The following SYTL2 variants were observed in gnomAD, a reference collection of about 807,000 sequenced individuals.
SYTL2 encodes the protein synaptotagmin like 2, also known as synaptotagmin-like protein 2.
SYTL2 carries 165 observed loss-of-function variants against 198.7 expected under a neutral mutation model. That is an observed-to-expected ratio of 0.83 (90% CI 0.73 to 0.94). The LOEUF (loss-of-function observed/expected upper bound fraction) is 0.94. Among genes scored for constraint, SYTL2 ranks in the 40% least tolerant of loss-of-function variants. The pLI is 0.00. For missense variants in SYTL2, 2,835 were observed against 2,582.8 expected (o/e 1.10, Z -2.12); for synonymous variants, 966 against 917.7 (o/e 1.05, Z -0.95).
chr11:85,793,665 G>A (rs1391763929), intron 1 of SYTL2, among the ~76,000 whole-genome samples: 1 of 152,150 alleles, frequency 6.6e-6, no homozygotes, highest in Non-Finnish European at 1.5e-5. Flanking sequence ...TGAAGGACAT[G>A]CTCTCAACAC....
At chr11:85,797,580 A>T (rs1426140512) in intron 1 of SYTL2, among the ~76,000 whole-genome samples, 1 of 151,618 alleles carries the variant, frequency 6.6e-6, no homozygotes, top group Non-Finnish European at 1.5e-5. Flanking sequence ...GTGAGCTGAG[A>T]TCAGCCACTG....
Position 85,724,749 on chromosome 11 carries a change from G to T in SYTL2, c.4609C>A (p.Arg1537=). Reference sequence around the variant, plus strand: ...TCAGGATGGCATTCAGAAGTGGCTCGCCTGGGCTCCTCTGTACTACCTATT... The same window carrying T: ...TCAGGATGGCATTCAGAAGTGGCTCTCCTGGGCTCCTCTGTACTACCTATT... ...KLIGSTEEPR[R]ATSECHPEEL... is the part of the protein sequence containing the mutation. Residue 1537 remains arginine, a synonymous_variant, in exon 8 of 20, where the codon CGA becomes AGA. Transcript: ENST00000359152. 3.1e-6 allele frequency: 5 copies of T among 1,611,726 alleles called. No individual in the cohort carries two copies. Among genetic ancestry groups the T allele is most frequent in the Non-Finnish European group, 4.2e-6 (5 of 1,179,514 alleles).
intron 1 of SYTL2, among the ~76,000 whole-genome samples, chr11:85,767,992 T>C (rs2092278421): frequency 6.6e-6 from 1 of 152,216 alleles, no homozygotes; most frequent in African/African-American, 2.4e-5. Flanking sequence ...CTCTGAGAAT[T>C]AGTGTCTCCT....
At chr11:85,819,112 A>C in the SYTL2 span, among the ~76,000 whole-genome samples, 1 of 152,274 alleles carries the variant, frequency 6.6e-6, no homozygotes, top group East Asian at 1.9e-4. Flanking sequence ...TACCTGTCAT[A>C]ATTTTCATAT....
chr11:85,762,850 T>C (rs2092135701), intron 1 of SYTL2, among the ~76,000 whole-genome samples: 1 of 152,162 alleles, frequency 6.6e-6, no homozygotes, highest in African/African-American at 2.4e-5. Context: ...TTACTCATGT[T>C]TGTCTCTTGC....
Position 85,724,942 on chromosome 11 carries a change from GC to G in SYTL2, c.4415del (p.Gly1472AlafsTer12). The G allele has an allele frequency of 1.2e-6, 2 of 1,613,958 alleles. No individual in the cohort carries two copies. The highest frequency in any genetic ancestry group is 1.7e-6 in the Non-Finnish European group (2 of 1,179,946). On this transcript the variant is annotated frameshift_variant, in exon 8 of 20. Coordinates refer to ENST00000359152, the MANE Select transcript of SYTL2 (RefSeq NM_206927.4). LOFTEE classifies it high-confidence loss of function. ...SSFASIVAQY[G>X]KGLPQEVEEI... ...CTTCCACTTCCTGAGGGAGGCCTTT[GC>G]CATATTGAGCAACAATGGAAGCAAA...
chr11:85,795,025 G>T (rs2092782284), intron 1 of SYTL2, among the ~76,000 whole-genome samples: 1 of 151,976 alleles, frequency 6.6e-6, no homozygotes, highest in Admixed American at 6.6e-5. Context: ...TGCCCACTGT[G>T]TGGCCTTGGG....
intron 10 of SYTL2, 59 bp downstream of exon 10, chr11:85,718,730 GC>G: frequency 6.5e-7 from 1 of 1,538,168 alleles, no homozygotes; most frequent in East Asian, 2.3e-5. Flanking sequence ...CCCGGAGACT[GC>G]CCAAATCACC....
intron 11 of SYTL2, chr11:85,715,057 A>C (rs1429098749): frequency 6.6e-6 from 1 of 152,176 alleles, no homozygotes; most frequent in African/African-American, 2.4e-5. Context: ...AATAAACATT[A>C]TTTTTTGAAA....
chr11:85,752,700 C>G (rs956787925), intron 2 of SYTL2, among the ~76,000 whole-genome samples: 1 of 151,912 alleles, frequency 6.6e-6, no homozygotes, highest in African/African-American at 2.4e-5. Context: ...GTTGGATCAA[C>G]AAGGCTTCAA....
At chr11:85,839,810 T>C in the SYTL2 span, among the ~76,000 whole-genome samples, 4 of 152,204 alleles carry the variant, frequency 2.6e-5, no homozygotes, top group Non-Finnish European at 4.4e-5. Context: ...AGCAGTGGAA[T>C]TGCTAGATCA....
intron 4 of SYTL2, among the ~76,000 whole-genome samples, chr11:85,744,850 A>C (rs937324768): frequency 6.6e-6 from 1 of 152,222 alleles, no homozygotes; most frequent in African/African-American, 2.4e-5. Context: ...CCATGAGAAG[A>C]TCCTTAAATA....
rs185159007 is a variant in SYTL2, at chr11:85,787,402, A to T, written c.-390+23552T>A. ...CTCAAAATAGCAGCCATTTCTTAGT[A>T]ACTTTATGGTTTTTTATAAATAAGT... On this transcript the variant is annotated intron_variant, in intron 1 of 19. Coordinates refer to ENST00000359152, the MANE Select transcript of SYTL2 (RefSeq NM_206927.4). Among the ~76,000 whole-genome samples the T allele has an allele frequency of 6.6e-3, 999 of 152,318 alleles. 5 individuals are homozygous for T. The highest frequency in any genetic ancestry group is 0.029 in the South Asian group (139 of 4,820).
chr11:85,752,289 G>C (rs2091559388), intron 2 of SYTL2, among the ~76,000 whole-genome samples: 1 of 152,166 alleles, frequency 6.6e-6, no homozygotes, highest in Admixed American at 6.5e-5. Flanking sequence ...TCAGATGTTT[G>C]TTTTGAATGT....
chr11:85,778,763 G>C (rs936341014), intron 1 of SYTL2, among the ~76,000 whole-genome samples: 1 of 152,222 alleles, frequency 6.6e-6, no homozygotes, highest in Admixed American at 6.5e-5. Flanking sequence ...GATCACTTAA[G>C]CTCACAAGTT....
chr11:85,854,563 G>A, the SYTL2 span: 4 of 152,184 alleles, frequency 2.6e-5, no homozygotes, highest in Admixed American at 1.3e-4. Flanking sequence ...AAGTTGCCCT[G>A]TAAGCATTTA....
the SYTL2 span, among the ~76,000 whole-genome samples, chr11:85,849,718 G>T: frequency 2.7e-5 from 4 of 149,250 alleles, no homozygotes; most frequent in Admixed American, 6.7e-5. Flanking sequence ...AGTCAGGTAG[G>T]GTGATGCCTC....
At chr11:85,830,818 A>G in the SYTL2 span, among the ~76,000 whole-genome samples, 1 of 152,112 alleles carries the variant, frequency 6.6e-6, no homozygotes, top group African/African-American at 2.4e-5. Flanking sequence ...TTTTAAATTA[A>G]CATTTCTCCC....
chr11:85,725,788 G>T lies in SYTL2; in HGVS notation c.3570C>A (p.Ile1190=). The T allele has an allele frequency of 6.2e-7, 1 of 1,614,110 alleles. No individual in the cohort carries two copies. Among genetic ancestry groups the T allele is most frequent in the South Asian group, 1.1e-5 (1 of 91,070 alleles). The part of the protein sequence containing the change: ...TEEEVKGPEK[I]INEHVDKTVV... ...CTGTTTTGTCAACATGCTCATTAAT[G>T]ATCTTCTCAGGTCCTTTGACTTCTT... is the stretch of plus-strand genomic sequence containing the variant. The change falls in exon 8 of 20, where the codon ATC becomes ATA. Residue 1190 remains isoleucine, a synonymous_variant. Coordinates refer to ENST00000359152, the MANE Select transcript of SYTL2 (RefSeq NM_206927.4).
Sources: gnomAD v4.1 joint callset for allele counts (sites outside exome capture counted in the v4.1 genomes callset) on GRCh38, gnomAD v4.1.1 for gene constraint, MANE v1.5 for transcripts, NCBI Gene and HGNC (gene_info 2026-07-23, HGNC 2026-07-21) for gene names.